NEGR1: variants seen among roughly 807,000 people sequenced by gnomAD.
NEGR1 encodes the protein IgLON family member 4.
A neutral mutation model predicts 40.9 loss-of-function variants in NEGR1; 10 were observed. That is an observed-to-expected ratio of 0.24 (90% CI 0.15 to 0.42). The LOEUF is 0.42. Ranked by LOEUF, NEGR1 falls within the 10% of genes least tolerant of loss-of-function variation. The pLI is 1.00. For missense variants in NEGR1, 352 were observed against 438.9 expected (o/e 0.80, Z 1.77); for synonymous variants, 185 against 166.8 (o/e 1.11, Z -0.84).
chr1:71,484,595 A>G (rs1415500834), intron 6 of NEGR1, among the ~76,000 whole-genome samples: 1 of 151,808 alleles, frequency 6.6e-6, no homozygotes, highest in African/African-American at 2.4e-5. Flanking sequence ...GAATATTACC[A>G]GAAAGTGTGT....
chr1:72,282,469 C>G lies in NEGR1; in HGVS notation c.26G>C (p.Gly9Ala). Residue 9 changes from glycine (G) to alanine (A), a missense_variant, in exon 1 of 7, where the codon GGT becomes GCT. Gly to Ala is a moderately conservative substitution (Grantham distance 60). Around this residue, in one of 5 missense-constraint regions of NEGR1, gnomAD observed 81 missense variants for 85.8 expected, o/e 0.94. Coordinates refer to ENST00000357731, the MANE Select transcript of NEGR1 (RefSeq NM_173808.3). ...CAGCCACTGGTTCGAGCAACAAGCA[C>G]CCTGCACCAACAGCATCATGTCCAT... MDMMLLVQGACCSNQWLAA... is the reference protein window; with the variant it reads MDMMLLVQAACCSNQWLAA... 1 of 1,613,416 alleles carries G rather than the reference C, an allele frequency of 6.2e-7. No individual in the cohort carries two copies. The highest frequency in any genetic ancestry group is 8.5e-7 in the Non-Finnish European group (1 of 1,179,990).
intron 6 of NEGR1, among the ~76,000 whole-genome samples, chr1:71,449,992 AT>A (rs71783919): frequency 0.27 from 37,227 of 138,970 alleles, 5,325 homozygotes; most frequent in African/African-American, 0.46. Flanking sequence ...TTTTATATAG[AT>A]TTTTTTTTTT....
chr1:72,202,600 T>G (rs1180218265), intron 1 of NEGR1, among the ~76,000 whole-genome samples: 1 of 152,024 alleles, frequency 6.6e-6, no homozygotes, highest in Non-Finnish European at 1.5e-5. Flanking sequence ...GATAGAAGGT[T>G]AAGCCAACCA....
chr1:71,457,263 T>C (rs974055328), intron 6 of NEGR1, among the ~76,000 whole-genome samples: 12 of 152,204 alleles, frequency 7.9e-5, no homozygotes, highest in Admixed American at 5.2e-4. Context: ...AATGTACCAC[T>C]TCATCTTGTC....
intron 3 of NEGR1, among the ~76,000 whole-genome samples, chr1:71,699,515 G>T (rs549681930): frequency 1.3e-5 from 2 of 151,596 alleles, no homozygotes; most frequent in African/African-American, 4.8e-5. Context: ...AGATACTCTA[G>T]GCTTAAATGT....
intron 1 of NEGR1, among the ~76,000 whole-genome samples, chr1:72,183,040 A>T (rs997381489): frequency 5.9e-5 from 9 of 152,214 alleles, no homozygotes; most frequent in Admixed American, 5.9e-4. Flanking sequence ...TTGTCTCCTT[A>T]TTCAGTATTA....
intron 3 of NEGR1, among the ~76,000 whole-genome samples, chr1:71,771,164 G>A (rs1018745685): frequency 3.3e-5 from 5 of 152,110 alleles, no homozygotes; most frequent in African/African-American, 1.2e-4. Context: ...CATGGATGAA[G>A]CTGGAAACCA....
intron 5 of NEGR1, among the ~76,000 whole-genome samples, chr1:71,608,691 G>T (rs1439742023): frequency 1.3e-5 from 2 of 152,158 alleles, no homozygotes; most frequent in African/African-American, 4.8e-5. Flanking sequence ...AAAATAGTCT[G>T]TCAGTGTTAC....
intron 6 of NEGR1, among the ~76,000 whole-genome samples, chr1:71,554,700 GA>G (rs1288995195): frequency 1.3e-5 from 2 of 151,386 alleles, no homozygotes; most frequent in Non-Finnish European, 3.0e-5. Flanking sequence ...GGACATTCTA[GA>G]ATAAAAACTG....
At chr1:72,002,269 T>C (rs1041731782) in intron 1 of NEGR1, among the ~76,000 whole-genome samples, 1 of 152,122 alleles carries the variant, frequency 6.6e-6, no homozygotes, top group Non-Finnish European at 1.5e-5. Flanking sequence ...TATTAATTAT[T>C]ATCATCTTAA....
chr1:71,917,184 G>T (rs1485195648), intron 2 of NEGR1, among the ~76,000 whole-genome samples: 2 of 152,166 alleles, frequency 1.3e-5, no homozygotes, highest in African/African-American at 4.8e-5. Context: ...GTTAAATATT[G>T]CACTGGGATA....
At chr1:71,495,172 T>C (rs1027641961) in intron 6 of NEGR1, among the ~76,000 whole-genome samples, 9 of 152,086 alleles carry the variant, frequency 5.9e-5, no homozygotes, top group African/African-American at 2.2e-4. Flanking sequence ...TAATTAGGTT[T>C]TGGAGGAGTC....
intron 1 of NEGR1, among the ~76,000 whole-genome samples, chr1:72,078,700 C>A (rs1037794817): frequency 6.7e-6 from 1 of 148,940 alleles, no homozygotes; most frequent in Non-Finnish European, 1.5e-5. Context: ...AGTGCAATGG[C>A]GTGATTTCGG....
In NEGR1 at chr1:71,698,885, T is replaced by C. The variant is rs564222077; in HGVS notation, c.536-746A>G. On this transcript the variant is annotated intron_variant, in intron 3 of 6. Coordinates refer to ENST00000357731, the MANE Select transcript of NEGR1 (RefSeq NM_173808.3). Reference sequence around the variant, plus strand: ...AAGACTGCCCCCAAATGAATGAGATTTGAGAAAATAAAGGCTCCTTCTTTT... The same window carrying C: ...AAGACTGCCCCCAAATGAATGAGATCTGAGAAAATAAAGGCTCCTTCTTTT... Among the ~76,000 whole-genome samples the C allele has an allele frequency of 3.9e-5, 6 of 152,018 alleles. No homozygotes were observed. In the South Asian group the frequency reaches 1.2e-3, roughly 32 times the overall value.
At chr1:72,035,499 A>C (rs1442867137) in intron 1 of NEGR1, among the ~76,000 whole-genome samples, 2 of 152,204 alleles carry the variant, frequency 1.3e-5, no homozygotes, top group African/African-American at 4.8e-5. Context: ...TCAAACAGCT[A>C]CTAAACATGG....
intron 1 of NEGR1, among the ~76,000 whole-genome samples, chr1:72,244,118 G>A (rs770177154): frequency 6.6e-6 from 1 of 151,362 alleles, no homozygotes; most frequent in Non-Finnish European, 1.5e-5. Context: ...CTGTTTTGAC[G>A]ATATATGGTA....
chr1:72,107,099 C>T (rs1443343128), intron 1 of NEGR1, among the ~76,000 whole-genome samples: 1 of 151,666 alleles, frequency 6.6e-6, no homozygotes, highest in African/African-American at 2.4e-5. Flanking sequence ...GAAATAATCA[C>T]ACGTAATCTT....
At chr1:71,420,052 A>T (rs1156957260) in intron 6 of NEGR1, among the ~76,000 whole-genome samples, 1 of 152,122 alleles carries the variant, frequency 6.6e-6, no homozygotes, top group Non-Finnish European at 1.5e-5. Context: ...ATTTTTGTAG[A>T]TATTGCAAAT....
chr1:71,879,978 A>G (rs935765071), intron 2 of NEGR1, among the ~76,000 whole-genome samples: 1 of 152,160 alleles, frequency 6.6e-6, no homozygotes, highest in Non-Finnish European at 1.5e-5. Context: ...AGTAAGACAT[A>G]TCTTTTCATA....
Sources: gnomAD v4.1 joint callset for allele counts (sites outside exome capture counted in the v4.1 genomes callset) on GRCh38, gnomAD v4.1.1 for gene constraint, gnomAD v4.1.1 regional missense constraint, MANE v1.5 for transcripts, NCBI Gene and HGNC (gene_info 2026-07-23, HGNC 2026-07-21) for gene names.